LILRB3: variants seen among roughly 807,000 people sequenced by gnomAD.
LILRB3 encodes the protein leukocyte immunoglobulin like receptor B3.
LILRB3 carries 32 observed loss-of-function variants against 68.2 expected under a neutral mutation model. That is an observed-to-expected ratio of 0.47 (90% CI 0.35 to 0.63). The LOEUF is 0.63. Among genes scored for constraint, LILRB3 ranks in the 30% least tolerant of loss-of-function variants. The pLI, the probability that LILRB3 is intolerant of heterozygous loss-of-function variation, is 0.00. For missense variants in LILRB3, 502 were observed against 791.3 expected, an observed-to-expected ratio of 0.63 and a Z score of 4.39; for synonymous variants, 185 against 323.1, an observed-to-expected ratio of 0.57 and a Z score of 4.58.
chr19:54,217,625 C>T (rs2077617727), intron 11 of LILRB3, 151 bp from the exon 12 acceptor site: 30 of 1,121,518 alleles, frequency 2.7e-5, no homozygotes, highest in Non-Finnish European at 3.5e-5. Context: ...TCTGGCCGCT[C>T]CCTCCCTGTG....
chr19:54,218,793 G>C (rs767981025), exon 9 of LILRB3: 3 of 1,614,130 alleles, frequency 1.9e-6, no homozygotes, highest in South Asian at 2.2e-5. Flanking sequence ...CTTGGGCTCT[G>C]TCTCCGCAGC....
intron 7 of LILRB3, chr19:54,219,624 T>C (rs149420954): frequency 0.11 from 168,011 of 1,516,296 alleles, 9,843 homozygotes; most frequent in Middle Eastern, 0.14. Context: ...GACAGGCCCC[T>C]GTGGAATCGG....
exon 13 of LILRB3, chr19:54,216,766 C>T: frequency 8.3e-7 from 1 of 1,209,806 alleles, no homozygotes; most frequent in Non-Finnish European, 1.1e-6. Flanking sequence ...TCACTGCAGC[C>T]TCAGCAGCCT....
chr19:54,222,825 GCAGGTC>G, intron 1 of LILRB3, 43 bp from the exon 2 acceptor site: 1 of 1,612,626 alleles, frequency 6.2e-7, no homozygotes, highest in East Asian at 2.2e-5. Context: ...TGAAGCCTGA[GCAGGTC>G]CCCGCCCGGG....
At chr19:54,217,161 G>C in exon 13 of LILRB3, 1 of 1,614,050 alleles carries the variant, frequency 6.2e-7, no homozygotes, top group South Asian at 1.1e-5. Context: ...GATGGAGGAG[G>C]CTCAGTTGCC....
chr19:54,219,189 G>A, exon 8 of LILRB3: 3 of 1,600,246 alleles, frequency 1.9e-6, no homozygotes, highest in Non-Finnish European at 2.6e-6. Context: ...AGGAGGAAGA[G>A]CAGCAGGACG....
At chr19:54,217,224 C>T (rs2077549488) in exon 13 of LILRB3, 2 of 1,608,488 alleles carry the variant, frequency 1.2e-6, no homozygotes, top group Non-Finnish European at 1.7e-6. Flanking sequence ...TCCTGGGAGG[C>T]TTCAGATGCA....
exon 13 of LILRB3, chr19:54,217,073 G>A: frequency 1.2e-6 from 2 of 1,614,086 alleles, no homozygotes; most frequent in East Asian, 2.2e-5. Flanking sequence ...GCTGAGTGTG[G>A]GGTCTGCGTA....
chr19:54,222,469 G>T, exon 3 of LILRB3: 2 of 1,604,924 alleles, frequency 1.2e-6, no homozygotes, highest in Non-Finnish European at 1.7e-6. Flanking sequence ...GTACTCCTGG[G>T]CCTCCAGGCT....
chr19:54,219,923 G>A (rs1467020135), intron 7 of LILRB3: 2 of 1,529,176 alleles, frequency 1.3e-6, no homozygotes, highest in Non-Finnish European at 1.8e-6. Context: ...GGACCTCCTG[G>A]GTCAGGACAG....
rs1262923493 is a variant in LILRB3 at position 54,219,125 on chromosome 19, T to C, written c.1426+4A>G. The C allele has an allele frequency of 6.3e-7, 1 of 1,587,668 alleles. No individual in the cohort carries two copies. Among genetic ancestry groups the C allele is most frequent in the African/African-American group, 1.4e-5 (1 of 73,384 alleles). On this transcript the variant is annotated splice_donor_region_variant and intron_variant, in intron 8 of 12. Coordinates refer to ENST00000445347, the Ensembl canonical transcript of LILRB3. ...ACCCATGGGTCCCCCGCTTCCCTACTCACCAGATGTCCTGTGTTTGCTGTG... is the reference window on the plus strand; with the variant it reads ...ACCCATGGGTCCCCCGCTTCCCTACCCACCAGATGTCCTGTGTTTGCTGTG...
intron 10 of LILRB3, 58 bp from the exon 11 acceptor site, chr19:54,218,471 T>C: frequency 6.2e-7 from 1 of 1,610,880 alleles, no homozygotes; most frequent in Non-Finnish European, 8.5e-7. Context: ...TCAGTCCTGC[T>C]GGCCCCCTGC....
At position 54,220,608 on chromosome 19, in the gene LILRB3, G is replaced by A. The variant is rs1429437421; in HGVS notation, c.1178C>T (p.Thr393Ile). The A allele has an allele frequency of 2.7e-6, 4 of 1,506,172 alleles. No individual in the cohort carries two copies. In the African/African-American group the frequency reaches 4.7e-5, roughly 18 times the overall value. The allele number at this position is 1,506,172 out of a possible 1,614,324, so 93.3% of individuals were successfully genotyped here. A position where few individuals can be genotyped will look rare whatever the true frequency, so the allele number is the denominator to read the frequency against. Residue 393 changes from threonine to isoleucine, a missense_variant, in exon 6 of 13, where the codon ACC becomes ATC. Physicochemically the swap from Thr to Ile is moderately conservative, Grantham distance 89 (BLOSUM62 -1). This residue lies in a region of LILRB3 where 23 missense variants were observed against 59.2 expected (regional missense o/e 0.39). Transcript: ENST00000445347. The stretch of plus-strand genomic sequence containing the variant: ...GCTGCGTGAGCCGTAGCACCTGTAG[G>A]TCCCCGCGTGGGCTGAGGTCACAGG...
rs752521509 is a variant in LILRB3, at chr19:54,217,491, G to A, written c.1594-17C>T. The A allele has an allele frequency of 6.2e-7, 1 of 1,600,032 alleles. No individual in the cohort carries two copies. The highest frequency in any genetic ancestry group is 1.7e-5 in the Admixed American group (1 of 59,258). ...GTGTGGGCTCTGCTGGAGAGAGACA[G>A]TGGTGGGGGGTGTCCTTGAGTCCCC... is the stretch of plus-strand genomic sequence containing the variant. On this transcript the variant is annotated splice_polypyrimidine_tract_variant and intron_variant, in intron 11 of 12. Coordinates refer to ENST00000445347, the Ensembl canonical transcript of LILRB3.
At chr19:54,216,873 C>T (rs2077513429) in exon 13 of LILRB3, 16 of 1,427,642 alleles carry the variant, frequency 1.1e-5, no homozygotes, top group Non-Finnish European at 1.5e-5. Flanking sequence ...TTGTTATTAA[C>T]TCATTGATTG....
At chr19:54,216,466 C>T (rs150506092) in exon 13 of LILRB3, 3,176 of 241,838 alleles carry the variant, frequency 0.013, 62 homozygotes, top group African/African-American at 0.052. Context: ...CTCGCCACCA[C>T]GCCCGGCTAA....
At position 54,218,345 on chromosome 19, in the gene LILRB3, C is replaced by A. The variant is rs183780145; in HGVS notation, c.1593+16G>T. The A allele has an allele frequency of 6.2e-6, 10 of 1,613,730 alleles. No individual in the cohort carries two copies. The East Asian group carries it at 1.1e-4, about 18-fold the overall frequency. ...ACCAGGAGGCCTTTGGTGCCTGGGA[C>A]GGGGCGGGATCTCACCTGACTGTCC... On this transcript the variant is annotated intron_variant, in intron 11 of 12. Transcript: ENST00000445347.
At position 54,219,099 on chromosome 19, in the gene LILRB3, G is replaced by A. The variant is rs200864858; in HGVS notation, c.1426+30C>T. ...TGGTGCCCTGAGCCCACCCTCGGTC[G>A]ACCCATGGGTCCCCCGCTTCCCTAC... is the stretch of plus-strand genomic sequence containing the variant. On this transcript the variant is annotated intron_variant, in intron 8 of 12. Transcript: ENST00000445347. 4,876 of 1,558,154 alleles carry A rather than the reference G, an allele frequency of 3.1e-3. 11 individuals are homozygous for A. Among genetic ancestry groups the A allele is most frequent in the Non-Finnish European group, 3.7e-3 (4,256 of 1,153,632 alleles).
exon 13 of LILRB3, chr19:54,216,919 G>T (rs1224532960): frequency 3.4e-5 from 49 of 1,445,784 alleles, no homozygotes; most frequent in Non-Finnish European, 4.5e-5. Context: ...AAAATGGGAC[G>T]ATATTAGTCA....
Sources: allele counts gnomAD v4.1 joint callset, GRCh38; gene constraint gnomAD v4.1.1; regional missense constraint gnomAD v4.1.1; transcripts MANE v1.5; gene names NCBI Gene and HGNC (gene_info 2026-07-23, HGNC 2026-07-21).